The following SLC17A1 variants were observed in gnomAD, a reference collection of about 807,000 sequenced individuals.
The protein encoded by SLC17A1 is sodium-dependent phosphate transport protein 1.
Under a neutral mutation model 53.5 loss-of-function variants are expected in SLC17A1, and 51 were observed. The observed-to-expected ratio is 0.95, with a 90% CI of 0.76 to 1.20. The LOEUF is 1.20. SLC17A1 is among the 50% of genes most tolerant of loss of function. SLC17A1 has a pLI of 0.00. For synonymous variants in SLC17A1, 179 were observed against 198.8 expected, an observed-to-expected ratio of 0.90 and a Z score of 0.84; for missense variants, 538 against 568.2, an observed-to-expected ratio of 0.95 and a Z score of 0.54.
At chr6:25,770,818 G>C in the SLC17A1 span, 1 of 831,280 alleles carries the variant, frequency 1.2e-6, no homozygotes, top group South Asian at 1.5e-5. Flanking sequence ...TAGATAGTTT[G>C]GCTTGAAACT....
chr6:25,769,126 C>T, the SLC17A1 span: 4 of 1,614,072 alleles, frequency 2.5e-6, no homozygotes, highest in African/African-American at 1.3e-5. Context: ...AATGCTTCCA[C>T]AGAACGGCCC....
chr6:25,741,847 T>C, the SLC17A1 span, among the ~76,000 whole-genome samples: 41,181 of 151,532 alleles, frequency 0.27, 6,791 homozygotes, highest in East Asian at 0.7. Context: ...TTGCAGTGAG[T>C]GGAGATCACA....
At chr6:25,797,847 C>G (rs1346539573) in intron 12 of SLC17A1, among the ~76,000 whole-genome samples, 1 of 152,136 alleles carries the variant, frequency 6.6e-6, no homozygotes, top group East Asian at 1.9e-4. Context: ...ATCCACCCGC[C>G]TCGTCCTCCC....
chr6:25,827,604 A>T (rs944066946), intron 2 of SLC17A1, among the ~76,000 whole-genome samples: 1 of 152,128 alleles, frequency 6.6e-6, no homozygotes, highest in African/African-American at 2.4e-5. Context: ...TCACACTTTG[A>T]ATCTAGCTAC....
intron 12 of SLC17A1, among the ~76,000 whole-genome samples, chr6:25,786,890 G>A (rs1414115667): frequency 6.6e-6 from 1 of 152,204 alleles, no homozygotes; most frequent in East Asian, 1.9e-4. Context: ...TGTCCCAGCT[G>A]GAGACACAGG....
chr6:25,792,605 C>T (rs1763525976), intron 12 of SLC17A1, among the ~76,000 whole-genome samples: 1 of 152,174 alleles, frequency 6.6e-6, no homozygotes, highest in Admixed American at 6.5e-5. Context: ...TGCTATAAAA[C>T]CAGAGCCTTC....
chr6:25,743,623 T>C, the SLC17A1 span, among the ~76,000 whole-genome samples: 1 of 152,250 alleles, frequency 6.6e-6, no homozygotes, highest in African/African-American at 2.4e-5. Flanking sequence ...TTAAGTAGTT[T>C]ATTAAGAAAA....
At chr6:25,753,379 T>C in the SLC17A1 span, among the ~76,000 whole-genome samples, 2 of 152,166 alleles carry the variant, frequency 1.3e-5, no homozygotes, top group Non-Finnish European at 2.9e-5. Context: ...TCTTTTCTCC[T>C]AGGTTCTCTG....
chr6:25,769,256 G>A, the SLC17A1 span: 743 of 1,416,750 alleles, frequency 5.2e-4, 7 homozygotes, highest in South Asian at 8.7e-3. Context: ...AGTTATAAAA[G>A]AGTGAGATTC....
At chr6:25,795,329 T>C (rs865961498) in intron 12 of SLC17A1, among the ~76,000 whole-genome samples, 57 of 152,252 alleles carry the variant, frequency 3.7e-4, no homozygotes, top group African/African-American at 8.9e-4. Context: ...TTGAATGTGA[T>C]TGATATTTTG....
chr6:25,810,120 G>T (rs529521345), intron 10 of SLC17A1, among the ~76,000 whole-genome samples: 170 of 152,110 alleles, frequency 1.1e-3, no homozygotes, highest in South Asian at 4.8e-3. Context: ...ACTCAAAATG[G>T]ATTAAAGACT....
the SLC17A1 span, among the ~76,000 whole-genome samples, chr6:25,741,583 T>C: frequency 6.6e-6 from 1 of 152,010 alleles, no homozygotes; most frequent in East Asian, 1.9e-4. Context: ...GGCGTGGTCA[T>C]GGGCCGCCTA....
chr6:25,752,649 C>A, the SLC17A1 span, among the ~76,000 whole-genome samples: 1 of 152,172 alleles, frequency 6.6e-6, no homozygotes, highest in African/African-American at 2.4e-5. Context: ...TATTGTACTG[C>A]TGTACAAAAA....
chr6:25,725,351 T>A, the SLC17A1 span, among the ~76,000 whole-genome samples: 1 of 152,254 alleles, frequency 6.6e-6, no homozygotes, highest in Non-Finnish European at 1.5e-5. Flanking sequence ...AATTCTATTA[T>A]TCTTTACAAA....
intron 10 of SLC17A1, among the ~76,000 whole-genome samples, chr6:25,801,619 G>A (rs550370156): frequency 9.2e-5 from 14 of 152,300 alleles, no homozygotes; most frequent in African/African-American, 1.7e-4. Flanking sequence ...CTGGGAGTCC[G>A]TTTTTCCTGC....
Position 25,819,049 on chromosome 6 carries a change from T to C in SLC17A1, c.616+19A>G, listed in dbSNP as rs775053604. ...TTAGATTCTGAATAATAACTAGGAT[T>C]TTACAGAAAGAGACTCACCAAAAAT... On this transcript the variant is annotated intron_variant, in intron 6 of 12. Transcript: ENST00000244527. 1 of 1,530,342 alleles carries C rather than the reference T, an allele frequency of 6.5e-7. No homozygotes were observed. The highest frequency in any genetic ancestry group is 2.3e-5 in the East Asian group (1 of 44,090). 94.8% of individuals were successfully genotyped at this position (1,530,342 alleles called of 1,614,324 possible). A position where few individuals can be genotyped will look rare whatever the true frequency, so the allele number is the denominator to read the frequency against.
chr6:25,756,006 C>T, the SLC17A1 span, among the ~76,000 whole-genome samples: 1 of 152,174 alleles, frequency 6.6e-6, no homozygotes, highest in Non-Finnish European at 1.5e-5. Context: ...TTCACCACAA[C>T]TAGCCTAGCC....
At chr6:25,816,629 G>A (rs1050901210) in intron 6 of SLC17A1, among the ~76,000 whole-genome samples, 4 of 152,242 alleles carry the variant, frequency 2.6e-5, no homozygotes, top group Non-Finnish European at 5.9e-5. Flanking sequence ...CAATAGCTGT[G>A]TTTGATGCCA....
downstream of SLC17A1, chr6:25,780,342 T>C (rs545159649): frequency 1.9e-4 from 29 of 152,238 alleles, no homozygotes; most frequent in African/African-American, 7.0e-4. Flanking sequence ...GTAGAAATAA[T>C]GAGTGGTTAC....
Sources: gnomAD v4.1 joint callset for allele counts (sites outside exome capture counted in the v4.1 genomes callset) on GRCh38, gnomAD v4.1.1 for gene constraint, MANE v1.5 for transcripts, NCBI Gene and HGNC (gene_info 2026-07-23, HGNC 2026-07-21) for gene names.